Variants in MS4A6E observed in about 807,000 individuals in gnomAD.
The protein encoded by MS4A6E is membrane-spanning 4-domains subfamily A member 6E.
Under a neutral mutation model 13.2 loss-of-function variants are expected in MS4A6E, and 8 were observed. The observed-to-expected ratio is 0.60, with a 90% CI of 0.35 to 1.09. MS4A6E has a LOEUF of 1.09. Ranked by LOEUF, MS4A6E falls within the 50% of genes least tolerant of loss-of-function variation. The probability of loss-of-function intolerance (pLI) is 0.02; values close to 1 mark genes in which losing one functional copy is unlikely to be tolerated. For missense variants in MS4A6E, 177 were observed against 171.1 expected (o/e 1.03, Z -0.19); for synonymous variants, 72 against 67.6 (o/e 1.06, Z -0.32).
At chr11:60,346,856 G>A (rs553108995) in intron 4 of MS4A6E, among the ~76,000 whole-genome samples, 1 of 152,324 alleles carries the variant, frequency 6.6e-6, no homozygotes, top group South Asian at 2.1e-4. Flanking sequence ...AGAGCTGCCT[G>A]CTTTTCAGCT....
intron 1 of MS4A6E, among the ~76,000 whole-genome samples, chr11:60,329,718 T>G (rs2085141969): frequency 6.6e-6 from 1 of 152,224 alleles, no homozygotes; most frequent in African/African-American, 2.4e-5. Context: ...ATTGTGGTTT[T>G]GATTTGCATT....
chr11:60,339,667 T>C (rs1286881046), intron 3 of MS4A6E, among the ~76,000 whole-genome samples, 199 bp from the exon 4 acceptor site: 4 of 152,148 alleles, frequency 2.6e-5, no homozygotes, highest in Admixed American at 1.3e-4. Flanking sequence ...TCATCTTCCC[T>C]TCTCTTCTCA....
At chr11:60,334,613 C>A (rs999099302) in intron 1 of MS4A6E, among the ~76,000 whole-genome samples, 8 of 152,082 alleles carry the variant, frequency 5.3e-5, no homozygotes. Flanking sequence ...TTTGTGTGAC[C>A]CTTTGCCTCT....
At chr11:60,343,619 C>A (rs1470583824), downstream of MS4A6E, among the ~76,000 whole-genome samples, 3 of 152,140 alleles carry the variant, frequency 2.0e-5, no homozygotes, top group Non-Finnish European at 4.4e-5. Context: ...AATCTCCCTG[C>A]AAATATGTGT....
chr11:60,339,819 C>G (rs369414212), intron 3 of MS4A6E, 47 bp from the exon 4 acceptor site: 1 of 1,556,986 alleles, frequency 6.4e-7, no homozygotes, highest in Non-Finnish European at 8.8e-7. Flanking sequence ...GGCATGAAAG[C>G]TTCGGCTGAC....
chr11:60,336,797 C>A lies in MS4A6E; in HGVS notation c.148-944C>A, dbSNP rs144381026. Among the ~76,000 whole-genome samples, 562 of 152,276 alleles carry A rather than the reference C, an allele frequency of 3.7e-3. 6 individuals are homozygous for A. Among genetic ancestry groups the A allele is most frequent in the African/African-American group, 0.013 (533 of 41,548 alleles). ...CTGTGGGATGTGCCCTGGAGCCTAC[C>A]TACCTGTAACAATAGCTTTCAGAAT... On this transcript the variant is annotated intron_variant, in intron 2 of 4. Transcript: ENST00000684409.
At chr11:60,333,793 CAG>C (rs1332063341) in intron 1 of MS4A6E, among the ~76,000 whole-genome samples, 1 of 152,190 alleles carries the variant, frequency 6.6e-6, no homozygotes, top group East Asian at 1.9e-4. Context: ...AGAATGTGCA[CAG>C]AGAGTTGTAT....
chr11:60,345,981 G>A (rs1014375001), downstream of MS4A6E, among the ~76,000 whole-genome samples: 5 of 152,150 alleles, frequency 3.3e-5, no homozygotes, highest in African/African-American at 7.2e-5. Flanking sequence ...TCCAGAAGGA[G>A]GTCTACCTTC....
intron 1 of MS4A6E, among the ~76,000 whole-genome samples, chr11:60,333,338 TA>T (rs1182327017): frequency 6.6e-6 from 1 of 152,252 alleles, no homozygotes; most frequent in African/African-American, 2.4e-5. Context: ...GTTAGAGGAA[TA>T]TAGTAATGGA....
chr11:60,342,192 AGAGAGAGAG>A (rs1554998909), downstream of MS4A6E, among the ~76,000 whole-genome samples: 1 of 79,508 alleles, frequency 1.3e-5, no homozygotes, highest in Non-Finnish European at 2.4e-5. Flanking sequence ...AGAGAGAGAG[AGAGAGAGAG>A]GGGGGGGGAG....
intron 4 of MS4A6E, 44 bp downstream of exon 4, chr11:60,340,008 T>C: frequency 6.2e-7 from 1 of 1,605,482 alleles, no homozygotes. Context: ...CTAGTGTATC[T>C]TATCTCTGCA....
intron 1 of MS4A6E, among the ~76,000 whole-genome samples, chr11:60,331,698 G>A (rs1199013583): frequency 1.3e-5 from 2 of 152,074 alleles, no homozygotes; most frequent in Non-Finnish European, 2.9e-5. Flanking sequence ...ATTGATTCGG[G>A]TGGTGTTATC....
At chr11:60,342,211 G>A (rs2085232261), downstream of MS4A6E, among the ~76,000 whole-genome samples, 4 of 143,658 alleles carry the variant, frequency 2.8e-5, no homozygotes, top group South Asian at 9.3e-4. Context: ...GGGGGGGGGA[G>A]AGAAAGACAG....
At chr11:60,335,950 C>A (rs1475741671) in intron 2 of MS4A6E, among the ~76,000 whole-genome samples, 1 of 152,024 alleles carries the variant, frequency 6.6e-6, no homozygotes, top group African/African-American at 2.4e-5. Flanking sequence ...ACACTGGGGC[C>A]TTTCAGAGGG....
intron 4 of MS4A6E, among the ~76,000 whole-genome samples, chr11:60,348,040 A>G (rs1456531931): frequency 6.6e-6 from 1 of 152,184 alleles, no homozygotes. Flanking sequence ...CTTACCATTT[A>G]AGTACCATTC....
chr11:60,328,002 C>G (rs2085130552), intron 1 of MS4A6E, among the ~76,000 whole-genome samples: 1 of 138,830 alleles, frequency 7.2e-6, no homozygotes, highest in Non-Finnish European at 1.5e-5. Flanking sequence ...TACACTCCAG[C>G]CTGGGTGACA....
chr11:60,339,719 A>AGGTGTG (rs1227250498), intron 3 of MS4A6E, 147 bp from the exon 4 acceptor site: 3 of 681,190 alleles, frequency 4.4e-6, no homozygotes, highest in Non-Finnish European at 8.0e-6. Context: ...GACAATTGTG[A>AGGTGTG]GGAGGAGCAG....
In MS4A6E at chr11:60,333,660, G is replaced by A. The variant is rs137862353; in HGVS notation, c.-14-1222G>A. 4.3e-3 allele frequency among the ~76,000 whole-genome samples: 648 copies of A among 152,290 alleles called. 8 individuals are homozygous for A. Among genetic ancestry groups the A allele is most frequent in the African/African-American group, 0.015 (626 of 41,554 alleles). ...GGGCTAGCTGAGAAACAAAAACTCGGATAGTTGTTTTGGGTCCAAAGAGTT... is the reference window on the plus strand; with the variant it reads ...GGGCTAGCTGAGAAACAAAAACTCGAATAGTTGTTTTGGGTCCAAAGAGTT... On this transcript the variant is annotated intron_variant, in intron 1 of 4. Transcript: ENST00000684409.
intron 1 of MS4A6E, among the ~76,000 whole-genome samples, chr11:60,330,870 T>C (rs7939273): frequency 0.35 from 52,911 of 151,982 alleles, 9,839 homozygotes; most frequent in East Asian, 0.41. Context: ...TTATTAAATA[T>C]GGAACACTTT....
Sources: gnomAD v4.1 joint callset for allele counts (sites outside exome capture counted in the v4.1 genomes callset) on GRCh38, gnomAD v4.1.1 for gene constraint, MANE v1.5 for transcripts, NCBI Gene and HGNC (gene_info 2026-07-23, HGNC 2026-07-21) for gene names.